ST3GAL6: variants seen among roughly 807,000 people sequenced by gnomAD.
ST3GAL6 encodes the protein ST3 beta-galactoside alpha-2,3-sialyltransferase 6.
Under a neutral mutation model 40.5 loss-of-function variants are expected in ST3GAL6, and 31 were observed. The ratio of observed to expected loss-of-function variants is 0.77; its 90% CI spans 0.58 to 1.03. The LOEUF (loss-of-function observed/expected upper bound fraction) is 1.03. ST3GAL6 is among the 50% of genes least tolerant of loss of function. ST3GAL6 has a pLI of 0.00. For missense variants in ST3GAL6, 357 were observed against 393.2 expected (o/e 0.91, Z 0.78); for synonymous variants, 129 against 136.9 (o/e 0.94, Z 0.40).
chr3:98,766,630 C>T (rs1428731259), intron 1 of ST3GAL6, among the ~76,000 whole-genome samples: 1 of 152,050 alleles, frequency 6.6e-6, no homozygotes, highest in Non-Finnish European at 1.5e-5. Flanking sequence ...ACCATCTTGG[C>T]CAGGTTGGTA....
chr3:98,793,275 A>ACAT (rs1324494082), intron 9 of ST3GAL6, among the ~76,000 whole-genome samples: 1 of 152,232 alleles, frequency 6.6e-6, no homozygotes, highest in African/African-American at 2.4e-5. Context: ...AATTTTTAAC[A>ACAT]CATCTTAAAC....
intron 1 of ST3GAL6, among the ~76,000 whole-genome samples, chr3:98,744,280 A>C (rs1936369504): frequency 6.6e-6 from 1 of 152,166 alleles, no homozygotes; most frequent in African/African-American, 2.4e-5. Flanking sequence ...GTTCTAAGCT[A>C]CCCAGTATGT....
chr3:98,769,483 T>C (rs961339618), intron 2 of ST3GAL6, among the ~76,000 whole-genome samples: 13 of 152,208 alleles, frequency 8.5e-5, no homozygotes, highest in African/African-American at 3.1e-4. Flanking sequence ...ACATTCTCTG[T>C]CCTACCCTTA....
chr3:98,743,583 G>T (rs1936303000), intron 1 of ST3GAL6, among the ~76,000 whole-genome samples: 1 of 152,082 alleles, frequency 6.6e-6, no homozygotes, highest in Non-Finnish European at 1.5e-5. Flanking sequence ...CAGACATACA[G>T]AGGAGTGCAC....
intron 5 of ST3GAL6, chr3:98,782,411 C>A: frequency 1.5e-6 from 1 of 648,484 alleles, no homozygotes; most frequent in South Asian, 1.8e-5. Context: ...AAGGCTGTAC[C>A]ATGACTCTCA....
intron 1 of ST3GAL6, chr3:98,732,889 A>C: frequency 6.6e-7 from 1 of 1,510,078 alleles, no homozygotes; most frequent in Non-Finnish European, 8.8e-7. Context: ...CGAGAGAGGC[A>C]GCAGCCGGCT....
At chr3:98,761,307 A>G (rs540547415), upstream of ST3GAL6, among the ~76,000 whole-genome samples, 1 of 152,274 alleles carries the variant, frequency 6.6e-6, no homozygotes, top group African/African-American at 2.4e-5. Flanking sequence ...AATAAAGGCA[A>G]TTTTAAAAAT....
At chr3:98,732,997 G>A in intron 1 of ST3GAL6, 3 of 1,478,700 alleles carry the variant, frequency 2.0e-6, no homozygotes, top group African/African-American at 1.5e-5. Context: ...TTCGCTGCGG[G>A]TTTGCACTGC....
chr3:98,739,014 A>G (rs1935823353), intron 1 of ST3GAL6, among the ~76,000 whole-genome samples: 1 of 152,224 alleles, frequency 6.6e-6, no homozygotes, highest in Non-Finnish European at 1.5e-5. Context: ...CTTAGACCAC[A>G]ATGCAATAAA....
intron 1 of ST3GAL6, among the ~76,000 whole-genome samples, chr3:98,765,436 A>G (rs1336916325): frequency 6.6e-6 from 1 of 152,218 alleles, no homozygotes; most frequent in African/African-American, 2.4e-5. Flanking sequence ...ACACCCATCT[A>G]ACAAGCTTAT....
Position 98,794,470 on chromosome 3 carries a change from AG to A in ST3GAL6, c.*711del, listed in dbSNP as rs1941449887. On this transcript the variant is annotated 3_prime_UTR_variant, in exon 10 of 10. Coordinates refer to ENST00000483910, the MANE Select transcript of ST3GAL6 (RefSeq NM_001323368.2). ...GAAGCTAAGCTAGGCAAGCTCAAGA[AG>A]GAAAAAAAAATCTTGAACATTATTT... The A allele has an allele frequency of 6.6e-6, 1 of 152,224 alleles. No homozygotes were observed. The highest frequency in any genetic ancestry group is 2.4e-5 in the African/African-American group (1 of 41,466). The allele number at this position is 152,224 out of a possible 1,614,324, so 9.4% of individuals were successfully genotyped here. A position where few individuals can be genotyped will look rare whatever the true frequency, so the allele number is the denominator to read the frequency against.
At chr3:98,753,984 T>C (rs1415269482) in intron 1 of ST3GAL6, among the ~76,000 whole-genome samples, 2 of 152,266 alleles carry the variant, frequency 1.3e-5, no homozygotes, top group Non-Finnish European at 2.9e-5. Context: ...AGGAGTTTAA[T>C]GTTGTTTTCA....
intron 1 of ST3GAL6, among the ~76,000 whole-genome samples, chr3:98,734,409 A>T (rs573712986): frequency 6.6e-6 from 1 of 152,316 alleles, no homozygotes; most frequent in Admixed American, 6.5e-5. Flanking sequence ...GTCTTTGGAT[A>T]ATGGCAACTT....
At chr3:98,761,156 TA>T (rs2107393787), upstream of ST3GAL6, among the ~76,000 whole-genome samples, 2 of 152,204 alleles carry the variant, frequency 1.3e-5, 1 homozygote, top group East Asian at 3.9e-4. Flanking sequence ...CTGATACACT[TA>T]AAAGTGGCGA....
At chr3:98,740,198 C>A (rs1935943272) in intron 1 of ST3GAL6, among the ~76,000 whole-genome samples, 1 of 145,830 alleles carries the variant, frequency 6.9e-6, no homozygotes, top group African/African-American at 2.6e-5. Context: ...TTTTGGAGGG[C>A]AAATCTGGCT....
At chr3:98,744,073 G>C (rs1449038844) in intron 1 of ST3GAL6, among the ~76,000 whole-genome samples, 1 of 152,162 alleles carries the variant, frequency 6.6e-6, no homozygotes, top group Non-Finnish European at 1.5e-5. Flanking sequence ...CAGAAACACG[G>C]GAAAACACCA....
chr3:98,743,882 T>C (rs972973508), intron 1 of ST3GAL6, among the ~76,000 whole-genome samples: 1 of 151,988 alleles, frequency 6.6e-6, no homozygotes, highest in Admixed American at 6.6e-5. Context: ...AGGGTGTAAT[T>C]GGTTCAGTTG....
At chr3:98,766,158 C>G (rs1304918129) in intron 1 of ST3GAL6, among the ~76,000 whole-genome samples, 1 of 152,014 alleles carries the variant, frequency 6.6e-6, no homozygotes, top group Non-Finnish European at 1.5e-5. Flanking sequence ...TTAATTAGAC[C>G]ACATATTAGT....
chr3:98,780,193 C>T (rs1000564634), intron 5 of ST3GAL6, among the ~76,000 whole-genome samples: 7 of 152,080 alleles, frequency 4.6e-5, no homozygotes, highest in Non-Finnish European at 1.0e-4. Context: ...ACGAGGAGTG[C>T]GATTCAGACA....
Sources: gnomAD v4.1 joint callset for allele counts (sites outside exome capture counted in the v4.1 genomes callset) on GRCh38, gnomAD v4.1.1 for gene constraint, MANE v1.5 for transcripts, NCBI Gene and HGNC (gene_info 2026-07-23, HGNC 2026-07-21) for gene names.